The following LRP1B variants were observed in gnomAD, a reference collection of about 807,000 sequenced individuals.
LRP1B encodes low-density lipoprotein receptor-related protein 1B.
In LRP1B, 217 loss-of-function variants were observed where a neutral mutation model predicts 556.6. The observed-to-expected ratio is 0.39, with a 90% CI of 0.35 to 0.44. The LOEUF (loss-of-function observed/expected upper bound fraction) is 0.44, where lower values mean the gene tolerates loss of function less well. LRP1B is among the 20% of genes least tolerant of loss of function. LRP1B has a pLI of 1.00. For synonymous variants in LRP1B, 2,047 were observed against 1,865.8 expected (o/e 1.10, Z -2.50); for missense variants, 5,053 against 5,620.8 (o/e 0.90, Z 3.23).
chr2:140,781,061 C>T (rs146802490), intron 32 of LRP1B, among the ~76,000 whole-genome samples: 1 of 152,152 alleles, frequency 6.6e-6, no homozygotes, highest in East Asian at 1.9e-4. Flanking sequence ...AAACCACACT[C>T]TGTTCACACA....
chr2:140,281,383 T>C (rs1294350874), intron 84 of LRP1B, among the ~76,000 whole-genome samples: 1 of 151,866 alleles, frequency 6.6e-6, no homozygotes, highest in Non-Finnish European at 1.5e-5. Flanking sequence ...CACATTGTAA[T>C]AATTAGTGAA....
intron 2 of LRP1B, among the ~76,000 whole-genome samples, chr2:141,611,161 C>T (rs6744381): frequency 0.01 from 1,575 of 152,248 alleles, 27 homozygotes; most frequent in African/African-American, 0.036. Context: ...ATCTTTTAAC[C>T]GTGGTTTCCC....
intron 3 of LRP1B, among the ~76,000 whole-genome samples, chr2:141,373,286 G>A (rs1573871089): frequency 2.0e-5 from 3 of 152,198 alleles, no homozygotes; most frequent in South Asian, 4.1e-4. Context: ...TTTGGAGAAT[G>A]TTCCACGTGC....
At chr2:141,043,875 C>T (rs1333890815) in intron 11 of LRP1B, among the ~76,000 whole-genome samples, 1 of 151,940 alleles carries the variant, frequency 6.6e-6, no homozygotes, top group African/African-American at 2.4e-5. Flanking sequence ...ATGCCATCCC[C>T]ATCAAGCTAC....
At chr2:142,094,592 A>C (rs961358543) in intron 1 of LRP1B, among the ~76,000 whole-genome samples, 8 of 152,002 alleles carry the variant, frequency 5.3e-5, no homozygotes, top group African/African-American at 1.9e-4. Context: ...ATTATTAGTT[A>C]AATGCTGTAA....
intron 2 of LRP1B, among the ~76,000 whole-genome samples, chr2:141,758,098 GC>G (rs536251668): frequency 1.3e-5 from 2 of 152,030 alleles, no homozygotes; most frequent in Non-Finnish European, 2.9e-5. Context: ...TCATATGTAG[GC>G]CCCTTAAGTG....
intron 87 of LRP1B, among the ~76,000 whole-genome samples, chr2:140,242,345 A>G (rs1248147092): frequency 6.6e-6 from 1 of 151,126 alleles, no homozygotes; most frequent in Admixed American, 6.6e-5. Flanking sequence ...ACTTTTCACA[A>G]TATAATGCAT....
chr2:140,496,221 G>C (rs537164049), intron 55 of LRP1B, among the ~76,000 whole-genome samples: 1 of 151,994 alleles, frequency 6.6e-6, no homozygotes, highest in Admixed American at 6.6e-5. Flanking sequence ...TGGTACAAAA[G>C]TAATTGTGGC....
chr2:140,794,315 C>T (rs1690223155), intron 32 of LRP1B, among the ~76,000 whole-genome samples: 1 of 151,988 alleles, frequency 6.6e-6, no homozygotes. Context: ...CAGACAGGCA[C>T]ACAGTGAAAT....
intron 11 of LRP1B, among the ~76,000 whole-genome samples, chr2:141,035,906 ACT>A (rs1698519556): frequency 6.6e-6 from 1 of 152,124 alleles, no homozygotes; most frequent in Non-Finnish European, 1.5e-5. Context: ...ATTGATTCTA[ACT>A]CTAAGGAAAA....
intron 21 of LRP1B, among the ~76,000 whole-genome samples, chr2:140,916,258 TAACAA>T (rs1208541287): frequency 6.6e-6 from 1 of 152,180 alleles, no homozygotes; most frequent in African/African-American, 2.4e-5. Context: ...CATATAATTC[TAACAA>T]AATCACTGTA....
At chr2:141,307,629 T>C (rs543855750) in intron 3 of LRP1B, among the ~76,000 whole-genome samples, 2 of 152,238 alleles carry the variant, frequency 1.3e-5, no homozygotes, top group South Asian at 2.1e-4. Context: ...AGGATGCAGT[T>C]GTTAGTGGAG....
At position 141,884,282 on chromosome 2, in the gene LRP1B, G is replaced by A. The variant is rs145732704; in HGVS notation, c.83-73881C>T. The stretch of plus-strand genomic sequence containing the variant: ...TCCCAGCTACTTGCAAGGCTGAGGC[G>A]GTAGGATTGCTTGAGCCCAGAAGTC... On this transcript the variant is annotated intron_variant, in intron 1 of 90. Transcript: ENST00000389484. Among the ~76,000 whole-genome samples, 509 of 152,156 alleles carry A rather than the reference G, an allele frequency of 3.3e-3. 2 individuals carry two copies. The highest frequency in any genetic ancestry group is 0.012 in the African/African-American group (479 of 41,524).
At chr2:142,023,657 A>C (rs1044406530) in intron 1 of LRP1B, among the ~76,000 whole-genome samples, 40 of 152,224 alleles carry the variant, frequency 2.6e-4, no homozygotes, top group African/African-American at 9.2e-4. Flanking sequence ...TTTTAATATA[A>C]GATTTCTAGA....
At chr2:140,301,469 C>T (rs1683817230) in intron 83 of LRP1B, among the ~76,000 whole-genome samples, 1 of 152,064 alleles carries the variant, frequency 6.6e-6, no homozygotes, top group Non-Finnish European at 1.5e-5. Flanking sequence ...AATTTTGGTA[C>T]ATCCTTGAGC....
rs1222249043 is a variant in LRP1B, at chr2:142,115,649, A to AT, written c.82+14998dup. Among the ~76,000 whole-genome samples the AT allele has an allele frequency of 8.7e-4, 13 of 14,900 alleles. 3 individuals are homozygous for AT. The highest frequency in any genetic ancestry group is 2.7e-3 in the South Asian group (1 of 376). 9.8% of individuals were successfully genotyped at this position (14,900 alleles called of 152,430 possible). On this transcript the variant is annotated intron_variant, in intron 1 of 90. Transcript: ENST00000389484. ...TATATATATTATATATGTAATATAT[A>AT]TATTATATGTAATATATATATGTAA...
At chr2:142,045,989 G>T (rs185037678) in intron 1 of LRP1B, among the ~76,000 whole-genome samples, 1 of 151,842 alleles carries the variant, frequency 6.6e-6, no homozygotes, top group African/African-American at 2.4e-5. Flanking sequence ...CCACTATTTG[G>T]GGTAATGATA....
intron 2 of LRP1B, among the ~76,000 whole-genome samples, chr2:141,758,584 A>G (rs1694407536): frequency 6.6e-6 from 1 of 152,230 alleles, no homozygotes; most frequent in Non-Finnish European, 1.5e-5. Context: ...ACAAAACTCA[A>G]TAATGATTTA....
chr2:141,686,396 A>G (rs148497473), intron 2 of LRP1B, among the ~76,000 whole-genome samples: 257 of 152,124 alleles, frequency 1.7e-3, no homozygotes, highest in African/African-American at 6.0e-3. Flanking sequence ...GACTACCCCT[A>G]TGTCCCTGAG....
Sources: gnomAD v4.1 joint callset for allele counts (sites outside exome capture counted in the v4.1 genomes callset) on GRCh38, gnomAD v4.1.1 for gene constraint, MANE v1.5 for transcripts, NCBI Gene and HGNC (gene_info 2026-07-23, HGNC 2026-07-21) for gene names.